The following XKR4 variants were observed in gnomAD, a reference collection of about 807,000 sequenced individuals.
XKR4 encodes XK-related protein 4.
XKR4 carries 12 observed loss-of-function variants against 53.9 expected under a neutral mutation model. That is an observed-to-expected ratio of 0.22 (90% confidence interval 0.14 to 0.36). The LOEUF (loss-of-function observed/expected upper bound fraction) is 0.36, where lower values mean the gene tolerates loss of function less well. Ranked by LOEUF, XKR4 falls within the 10% of genes least tolerant of loss-of-function variation. The pLI is 1.00. For synonymous variants in XKR4, 354 were observed against 362.4 expected (o/e 0.98, Z 0.26); for missense variants, 799 against 859.5 (o/e 0.93, Z 0.88).
intron 1 of XKR4, among the ~76,000 whole-genome samples, chr8:55,222,712 T>C (rs1477365813): frequency 6.6e-6 from 1 of 152,230 alleles, no homozygotes; most frequent in Non-Finnish European, 1.5e-5. Context: ...TGTTGAATGA[T>C]GGAATGAGTG....
At chr8:55,517,326 T>C (rs1266509706) in intron 2 of XKR4, 1 of 151,456 alleles carries the variant, frequency 6.6e-6, no homozygotes, top group East Asian at 2.0e-4. Context: ...GAAAATGCAC[T>C]AATTTAGGAA....
intron 2 of XKR4, among the ~76,000 whole-genome samples, chr8:55,455,942 G>A (rs1270605075): frequency 1.3e-5 from 2 of 152,206 alleles, no homozygotes; most frequent in African/African-American, 4.8e-5. Context: ...ATGTCATGGG[G>A]AAGAAAGATT....
intron 2 of XKR4, among the ~76,000 whole-genome samples, chr8:55,402,953 A>G (rs981291577): frequency 1.3e-5 from 2 of 152,222 alleles, no homozygotes; most frequent in Non-Finnish European, 2.9e-5. Flanking sequence ...CGTCCAGGTC[A>G]GGAGCATCAC....
chr8:55,428,867 T>C (rs1361449350), intron 2 of XKR4, among the ~76,000 whole-genome samples: 1 of 152,206 alleles, frequency 6.6e-6, no homozygotes, highest in African/African-American at 2.4e-5. Flanking sequence ...TGGATGTGGG[T>C]TTAATGCAAT....
In XKR4 at chr8:55,102,675, C is replaced by T; in HGVS notation, c.187C>T (p.Arg63Cys). The T allele has an allele frequency of 8.2e-7, 1 of 1,224,936 alleles. No individual in the cohort carries two copies. Among genetic ancestry groups the T allele is most frequent in the East Asian group, 3.4e-5 (1 of 29,526 alleles). The allele number at this position is 1,224,936 out of a possible 1,614,324, so 75.9% of individuals were successfully genotyped here. A position where few individuals can be genotyped will look rare whatever the true frequency, so the allele number is the denominator to read the frequency against. ...GCCPDGGGCS[R>C]CCCCCAGSGG... ...CTGCCCGGACGGCGGCGGCTGCTCG[C>T]GCTGCTGCTGCTGCTGCGCCGGGAG... is the stretch of plus-strand genomic sequence containing the variant. Residue 63 changes from arginine (R) to cysteine (C), a missense_variant, in exon 1 of 3, where the codon CGC becomes TGC. Coordinates refer to ENST00000327381, the MANE Select transcript of XKR4 (RefSeq NM_052898.2). The surrounding 1 kb of genome is among the most constrained non-coding windows in gnomAD (Gnocchi z 5.1).
intron 1 of XKR4, among the ~76,000 whole-genome samples, chr8:55,236,076 A>G (rs1298198481): frequency 6.6e-6 from 1 of 152,116 alleles, no homozygotes; most frequent in East Asian, 1.9e-4. Context: ...CACTGATCCT[A>G]AAGTGTAACA....
chr8:55,512,756 C>T (rs139274913), intron 2 of XKR4, among the ~76,000 whole-genome samples: 1 of 152,198 alleles, frequency 6.6e-6, no homozygotes, highest in African/African-American at 2.4e-5. Flanking sequence ...CCACAGGTCA[C>T]TGGAACACAG....
chr8:55,445,250 C>T (rs575087810), intron 2 of XKR4, among the ~76,000 whole-genome samples: 2 of 151,748 alleles, frequency 1.3e-5, no homozygotes, highest in Non-Finnish European at 2.9e-5. Flanking sequence ...GTAGAGACGG[C>T]GTTTCACTGT....
chr8:55,396,251 C>A (rs999841550), intron 2 of XKR4, among the ~76,000 whole-genome samples: 1 of 152,120 alleles, frequency 6.6e-6, no homozygotes, highest in Non-Finnish European at 1.5e-5. Context: ...TTCTGAGATG[C>A]GTGTGCTGTT....
intron 1 of XKR4, among the ~76,000 whole-genome samples, chr8:55,336,082 T>C (rs1020891542): frequency 1.3e-5 from 2 of 150,204 alleles, no homozygotes; most frequent in Admixed American, 6.6e-5. Context: ...AGAGTACTTA[T>C]AAAAGTGGGT....
At chr8:55,521,627 A>T (rs2929012) in intron 2 of XKR4, among the ~76,000 whole-genome samples, 71,195 of 152,066 alleles carry the variant, frequency 0.47, 18,378 homozygotes, top group Middle Eastern at 0.58. Context: ...TGCTGGCTTT[A>T]TTGGGAGGAA....
At chr8:55,106,012 C>T (rs946361256) in intron 1 of XKR4, among the ~76,000 whole-genome samples, 1 of 152,134 alleles carries the variant, frequency 6.6e-6, no homozygotes, top group Non-Finnish European at 1.5e-5. Flanking sequence ...TCTAGCTTTT[C>T]TTTTCAATAC....
intron 1 of XKR4, among the ~76,000 whole-genome samples, chr8:55,289,844 GA>G: frequency 1.2e-5 from 1 of 85,736 alleles, no homozygotes; most frequent in African/African-American, 3.6e-5. Flanking sequence ...GGAAGAGAAA[GA>G]AAGAAGGAAA....
chr8:55,213,093 A>G, intron 1 of XKR4, among the ~76,000 whole-genome samples: 1 of 152,194 alleles, frequency 6.6e-6, no homozygotes, highest in East Asian at 1.9e-4. Flanking sequence ...TCCTTTAACC[A>G]TAAACGTCTA....
intron 2 of XKR4, among the ~76,000 whole-genome samples, chr8:55,363,776 G>C (rs911314176): frequency 7.9e-5 from 12 of 152,184 alleles, no homozygotes; most frequent in African/African-American, 2.9e-4. Context: ...GCAGGCGAGA[G>C]TGCCAGTCTG....
intron 2 of XKR4, among the ~76,000 whole-genome samples, chr8:55,426,375 T>G (rs1013591693): frequency 6.7e-6 from 1 of 150,242 alleles, no homozygotes. Context: ...TCACTTGCGC[T>G]CTCTCTCTCT....
intron 1 of XKR4, among the ~76,000 whole-genome samples, chr8:55,293,722 A>G (rs1352031842): frequency 6.6e-6 from 1 of 152,154 alleles, no homozygotes; most frequent in Non-Finnish European, 1.5e-5. Flanking sequence ...CCTAAAGAAA[A>G]TGTTTATACG....
At chr8:55,376,984 A>G (rs1025461795) in intron 2 of XKR4, among the ~76,000 whole-genome samples, 12 of 151,986 alleles carry the variant, frequency 7.9e-5, no homozygotes, top group African/African-American at 2.7e-4. Context: ...ACAGAGAGAG[A>G]GAGAGAGACG....
chr8:55,453,671 G>C, intron 2 of XKR4: 1 of 413,598 alleles, frequency 2.4e-6, no homozygotes, highest in Non-Finnish European at 4.6e-6. Context: ...CCAGGGGAAG[G>C]GCCGGGGCGC....
Sources: gnomAD v4.1 joint callset for allele counts (sites outside exome capture counted in the v4.1 genomes callset) on GRCh38, gnomAD v4.1.1 for gene constraint, Gnocchi (gnomAD v3.1) non-coding constraint, MANE v1.5 for transcripts, NCBI Gene and HGNC (gene_info 2026-07-23, HGNC 2026-07-21) for gene names.